The following ZBTB5 variants were observed in gnomAD, a reference collection of about 807,000 sequenced individuals.
ZBTB5 encodes the protein zinc finger and BTB domain-containing protein 5.
Under a neutral mutation model 37.9 loss-of-function variants are expected in ZBTB5, and 15 were observed. The observed-to-expected ratio is 0.40, with a 90% CI of 0.26 to 0.61. ZBTB5 has a LOEUF of 0.61. Among genes scored for constraint, ZBTB5 ranks in the 20% least tolerant of loss-of-function variants. ZBTB5 has a pLI of 0.47. For synonymous variants in ZBTB5, 315 were observed against 312.4 expected (o/e 1.01, Z -0.09); for missense variants, 708 against 856.8 (o/e 0.83, Z 2.17).
At position 37,441,323 on chromosome 9, in the gene ZBTB5, G is replaced by A. The variant is rs778857099; in HGVS notation, c.1229C>T (p.Ser410Leu). The A allele has an allele frequency of 6.8e-6, 11 of 1,614,100 alleles. No individual in the cohort carries two copies. Among genetic ancestry groups the A allele is most frequent in the Admixed American group, 1.7e-5 (1 of 60,012 alleles). Residue 410 changes from serine to leucine, a missense_variant, in exon 2 of 2, where the codon TCG becomes TTG. Around this residue, in one of 3 missense-constraint regions of ZBTB5, gnomAD observed 639 missense variants for 690.5 expected, o/e 0.93. Coordinates refer to ENST00000307750, the MANE Select transcript of ZBTB5 (RefSeq NM_014872.3). ...NLEHKSTFSI[S>L]NFLNKSRGNN... ...TCCTCTGCTCTTGTTAAGAAAATTC[G>A]AAATACTAAAAGTGGACTTATGCTC...
chr9:37,447,012 C>T (rs904600979), intron 1 of ZBTB5, among the ~76,000 whole-genome samples: 1 of 152,220 alleles, frequency 6.6e-6, no homozygotes, highest in Non-Finnish European at 1.5e-5. Context: ...AGCGTTACTG[C>T]TTTCTCTCCT....
intron 1 of ZBTB5, among the ~76,000 whole-genome samples, chr9:37,459,870 C>T (rs554528441): frequency 6.6e-6 from 1 of 152,064 alleles, no homozygotes; most frequent in South Asian, 2.1e-4. Flanking sequence ...GCCACCACAC[C>T]TGGCTAATTT....
In ZBTB5 at chr9:37,442,140, C is replaced by A; in HGVS notation, c.412G>T (p.Ala138Ser). ...PPSERVQEQSARMQRSFMLQQ... is the reference protein window; with the variant it reads ...PPSERVQEQSSRMQRSFMLQQ... ...AGCATAAAGGAGCGCTGCATGCGGG[C>A]GCTCTGCTCCTGAACGCGCTCACTG... Residue 138 changes from alanine to serine, a missense_variant, in exon 2 of 2, where the codon GCC becomes TCC. Coordinates refer to ENST00000307750, the MANE Select transcript of ZBTB5 (RefSeq NM_014872.3). 6.2e-7 allele frequency: 1 copy of A among 1,614,176 alleles called. No individual in the cohort carries two copies. Among genetic ancestry groups the A allele is most frequent in the Non-Finnish European group, 8.5e-7 (1 of 1,180,028 alleles).
intron 1 of ZBTB5, among the ~76,000 whole-genome samples, chr9:37,445,385 G>GT (rs1823956473): frequency 6.6e-6 from 1 of 152,200 alleles, no homozygotes; most frequent in African/African-American, 2.4e-5. Flanking sequence ...GTTCACGCCT[G>GT]TAATCCCAGC....
At chr9:37,456,206 C>T (rs1824185492) in intron 1 of ZBTB5, among the ~76,000 whole-genome samples, 1 of 152,298 alleles carries the variant, frequency 6.6e-6, no homozygotes, top group East Asian at 1.9e-4. Context: ...CTGCCTCAGC[C>T]TCCCAAAGTG....
intron 1 of ZBTB5, among the ~76,000 whole-genome samples, chr9:37,463,373 T>C (rs1219545357): frequency 6.6e-6 from 1 of 152,130 alleles, no homozygotes; most frequent in African/African-American, 2.4e-5. Flanking sequence ...AATCACACGC[T>C]TAAAACTGAC....
Position 37,441,924 on chromosome 9 carries a change from C to G in ZBTB5, c.628G>C (p.Asp210His). The G allele has an allele frequency of 2.5e-6, 4 of 1,614,130 alleles. No individual in the cohort carries two copies. The highest frequency in any genetic ancestry group is 3.4e-6 in the Non-Finnish European group (4 of 1,180,038). Residue 210 changes from aspartate to histidine, a missense_variant, in exon 2 of 2, where the codon GAT becomes CAT. Transcript: ENST00000307750. ...GTAACATCTGAAATGGCAGACTCAT[C>G]TATGGAGGGTCGGAGGCGCTGCCTG... is the stretch of plus-strand genomic sequence containing the variant. ...RARQRLRPSI[D>H]ESAISDVTPE...
At chr9:37,445,729 G>A (rs1018228862) in intron 1 of ZBTB5, among the ~76,000 whole-genome samples, 1 of 152,100 alleles carries the variant, frequency 6.6e-6, no homozygotes, top group African/African-American at 2.4e-5. Flanking sequence ...TCTGAGGAGT[G>A]GGTAATTGAT....
chr9:37,453,442 AGT>A (rs1416765322), intron 1 of ZBTB5, among the ~76,000 whole-genome samples: 1 of 152,112 alleles, frequency 6.6e-6, no homozygotes, highest in Non-Finnish European at 1.5e-5. Flanking sequence ...AGCCTTCCAA[AGT>A]GTTGGGATTA....
chr9:37,441,520 G>T lies in ZBTB5; in HGVS notation c.1032C>A (p.Ser344Arg), dbSNP rs374044371. The change falls in exon 2 of 2, where the codon AGC becomes AGA. Residue 344 changes from serine to arginine, a missense_variant. Ser to Arg is a moderately radical substitution (Grantham distance 110). Transcript: ENST00000307750. ...TGCCTTCTGCTTGTGAGGTCACATC[G>T]CTCACTTCATCCTGAGGCTCAGGTG... ...LSSPEPQDEV[S>R]DVTSQAEGSE... The T allele has an allele frequency of 1.2e-6, 2 of 1,612,614 alleles. No individual in the cohort carries two copies. The highest frequency in any genetic ancestry group is 2.2e-5 in the South Asian group (2 of 90,990).
chr9:37,458,372 T>C (rs1824230340), intron 1 of ZBTB5, among the ~76,000 whole-genome samples: 2 of 152,254 alleles, frequency 1.3e-5, no homozygotes, highest in Admixed American at 6.5e-5. Flanking sequence ...GAAATACAAG[T>C]TGCCTCAAGA....
At chr9:37,460,733 G>C (rs1824278369) in intron 1 of ZBTB5, among the ~76,000 whole-genome samples, 1 of 151,988 alleles carries the variant, frequency 6.6e-6, no homozygotes, top group Non-Finnish European at 1.5e-5. Context: ...TGGGCGTGGT[G>C]GTGCATGCCT....
intron 1 of ZBTB5, among the ~76,000 whole-genome samples, chr9:37,461,677 G>A (rs1246914345): frequency 6.6e-6 from 1 of 152,064 alleles, no homozygotes; most frequent in African/African-American, 2.4e-5. Context: ...GCAGTGACCC[G>A]AGATCAGATT....
chr9:37,441,948 T>C lies in ZBTB5; in HGVS notation c.604A>G (p.Arg202Gly), dbSNP rs1303814741. The change falls in exon 2 of 2, where the codon AGG becomes GGG. Residue 202 changes from arginine to glycine, a missense_variant. Arg to Gly is a moderately radical substitution (Grantham distance 125). Transcript: ENST00000307750. ...TCTATGGAGGGTCGGAGGCGCTGCC[T>C]GGCCCGCTCCTCTGCAGACTGCTTG... is the stretch of plus-strand genomic sequence containing the variant. Reference protein sequence around the residue: ...KRKQSAEERARQRLRPSIDES... With the variant: ...KRKQSAEERAGQRLRPSIDES... The C allele has an allele frequency of 1.2e-6, 2 of 1,613,994 alleles. No homozygotes were observed. The highest frequency in any genetic ancestry group is 1.7e-6 in the Non-Finnish European group (2 of 1,180,032).
At chr9:37,443,584 G>A (rs915450076) in intron 1 of ZBTB5, among the ~76,000 whole-genome samples, 5 of 152,140 alleles carry the variant, frequency 3.3e-5, no homozygotes, top group South Asian at 4.1e-4. Flanking sequence ...GAATGAAGGT[G>A]TGGCTAAGGC....
chr9:37,450,279 C>T (rs1175829051), intron 1 of ZBTB5, among the ~76,000 whole-genome samples: 1 of 151,892 alleles, frequency 6.6e-6, no homozygotes, highest in African/African-American at 2.4e-5. Flanking sequence ...GACAACGAAC[C>T]CCAGGTATTT....
intron 1 of ZBTB5, among the ~76,000 whole-genome samples, chr9:37,462,204 C>T (rs547082144): frequency 5.9e-5 from 9 of 152,068 alleles, no homozygotes; most frequent in Non-Finnish European, 1.2e-4. Flanking sequence ...TCATGTAACA[C>T]TAGGAAAAAA....
chr9:37,461,110 T>C (rs1191549447), intron 1 of ZBTB5, among the ~76,000 whole-genome samples: 1 of 152,180 alleles, frequency 6.6e-6, no homozygotes, highest in Non-Finnish European at 1.5e-5. Flanking sequence ...CAGAGTTGCT[T>C]TTGATCATCT....
rs1482153647 is a variant in ZBTB5, at chr9:37,441,461, C to A, written c.1091G>T (p.Ser364Ile). The A allele has an allele frequency of 6.2e-7, 1 of 1,613,410 alleles. No homozygotes were observed. Among genetic ancestry groups the A allele is most frequent in the Non-Finnish European group, 8.5e-7 (1 of 1,179,948 alleles). ...ESVEVEGVVV[S>I]AEKIDLSPES... ...AGGGCTGAGGTCTATCTTCTCGGCA[C>A]TGACCACAACTCCTTCCACTTCCAC... The change falls in exon 2 of 2, where the codon AGT becomes ATT. Residue 364 changes from serine (S) to isoleucine (I), a missense_variant. Around this residue, in one of 3 missense-constraint regions of ZBTB5, gnomAD observed 639 missense variants for 690.5 expected, o/e 0.93. Transcript: ENST00000307750.
Sources: allele counts gnomAD v4.1 joint callset (sites outside exome capture counted in the v4.1 genomes callset), GRCh38; gene constraint gnomAD v4.1.1; regional missense constraint gnomAD v4.1.1; transcripts MANE v1.5; gene names NCBI Gene and HGNC (gene_info 2026-07-23, HGNC 2026-07-21).